ACTR3B: variants seen among roughly 807,000 people sequenced by gnomAD.
ACTR3B encodes actin related protein 3B, also known as actin-related protein 3B.
A neutral mutation model predicts 59.0 loss-of-function variants in ACTR3B; 8 were observed. The ratio of observed to expected loss-of-function variants is 0.14; its 90% CI spans 0.08 to 0.24. The LOEUF (loss-of-function observed/expected upper bound fraction) is 0.24. Ranked by LOEUF, ACTR3B falls within the 10% of genes least tolerant of loss-of-function variation. The pLI, the probability that ACTR3B is intolerant of heterozygous loss-of-function variation, is 1.00. For synonymous variants in ACTR3B, 148 were observed against 197.9 expected, an observed-to-expected ratio of 0.75 and a Z score of 2.12; for missense variants, 245 against 552.3, an observed-to-expected ratio of 0.44 and a Z score of 5.58.
At chr7:152,830,899 G>A (rs1200967782) in intron 9 of ACTR3B, among the ~76,000 whole-genome samples, 2 of 152,130 alleles carry the variant, frequency 1.3e-5, no homozygotes, top group Admixed American at 6.5e-5. Flanking sequence ...TTAATATTTG[G>A]AGAGAGAAAA....
In ACTR3B at chr7:152,837,297, G is replaced by T. The variant is rs557676103; in HGVS notation, c.951+12175G>T. On this transcript the variant is annotated intron_variant, in intron 9 of 11. Transcript: ENST00000256001. ...GCTTTACTTTGAGATGAGTTGGAAA[G>T]AATACATTTATTGGTAATTTCACAT... Among the ~76,000 whole-genome samples the T allele has an allele frequency of 2.7e-3, 409 of 152,328 alleles. 2 individuals are homozygous for T. Among genetic ancestry groups the T allele is most frequent in the African/African-American group, 9.3e-3 (387 of 41,556 alleles).
intron 2 of ACTR3B, among the ~76,000 whole-genome samples, chr7:152,797,054 C>G (rs1296465267): frequency 6.6e-6 from 1 of 151,560 alleles, no homozygotes; most frequent in African/African-American, 2.4e-5. Flanking sequence ...AATTCAGTCA[C>G]AAGGATTTAA....
chr7:152,819,434 C>T (rs1485860481), intron 6 of ACTR3B, among the ~76,000 whole-genome samples: 3 of 152,166 alleles, frequency 2.0e-5, no homozygotes, highest in Non-Finnish European at 4.4e-5. Flanking sequence ...GGGCGTTGTC[C>T]ACTCTGACGG....
At chr7:152,825,727 T>C (rs1276196125) in intron 9 of ACTR3B, among the ~76,000 whole-genome samples, 1 of 152,136 alleles carries the variant, frequency 6.6e-6, no homozygotes, top group Non-Finnish European at 1.5e-5. Flanking sequence ...AGCGGTGCCC[T>C]CCCCCATGCT....
At chr7:152,780,308 G>A (rs1590226270) in intron 1 of ACTR3B, among the ~76,000 whole-genome samples, 1 of 147,130 alleles carries the variant, frequency 6.8e-6, no homozygotes. Flanking sequence ...CCGAGATCGC[G>A]CCACTGCACT....
intron 2 of ACTR3B, among the ~76,000 whole-genome samples, chr7:152,790,064 C>A (rs1000580593): frequency 7.6e-5 from 10 of 131,282 alleles, no homozygotes; most frequent in African/African-American, 3.0e-4. Flanking sequence ...TTGATCATGA[C>A]TCACTGCAGC....
rs191786047 is a variant in ACTR3B at position 152,824,522 on chromosome 7, A to G, written c.859-508A>G. Among the ~76,000 whole-genome samples the G allele has an allele frequency of 5.3e-5, 8 of 152,222 alleles. No individual in the cohort carries two copies. Among genetic ancestry groups the G allele is most frequent in the African/African-American group, 9.6e-5 (4 of 41,452 alleles). On this transcript the variant is annotated intron_variant, in intron 8 of 11. Transcript: ENST00000256001. This position sits in a 1 kb window ranked among gnomAD's most constrained non-coding sequence, Gnocchi z 4.2. ...CTATGGCTGTTTATTCAATAACATG[A>G]TTATCATGTGGATTGTTTCATGTTA... is the stretch of plus-strand genomic sequence containing the variant.
rs114759182 is a variant in ACTR3B, at chr7:152,795,580, G to A, written c.101-4951G>A. ...CATTAAAGGTAAATGACTTTGAGAG[G>A]TAACAGGGTAAATGCTTTAGCTCAC... is the stretch of plus-strand genomic sequence containing the variant. On this transcript the variant is annotated intron_variant, in intron 2 of 11. Transcript: ENST00000256001. Among the ~76,000 whole-genome samples the A allele has an allele frequency of 3.9e-3, 599 of 152,254 alleles. 6 individuals carry two copies. The highest frequency in any genetic ancestry group is 0.039 in the South Asian group (189 of 4,822).
chr7:152,842,133 C>T (rs1474717977), intron 9 of ACTR3B, among the ~76,000 whole-genome samples: 3 of 152,218 alleles, frequency 2.0e-5, no homozygotes, highest in Non-Finnish European at 4.4e-5. Flanking sequence ...ATGGGGCATG[C>T]GTCCCAAGAC....
chr7:152,828,571 T>C (rs1407986957), intron 9 of ACTR3B, among the ~76,000 whole-genome samples: 1 of 152,038 alleles, frequency 6.6e-6, no homozygotes, highest in Non-Finnish European at 1.5e-5. Flanking sequence ...TAAAAATAAT[T>C]CTAAAACACT....
chr7:152,842,133 C>G (rs1474717977), intron 9 of ACTR3B, among the ~76,000 whole-genome samples: 1 of 152,218 alleles, frequency 6.6e-6, no homozygotes, highest in East Asian at 1.9e-4. Flanking sequence ...ATGGGGCATG[C>G]GTCCCAAGAC....
At chr7:152,820,978 C>T (rs10249394) in intron 7 of ACTR3B, among the ~76,000 whole-genome samples, 4,080 of 152,286 alleles carry the variant, frequency 0.027, 70 homozygotes, top group African/African-American at 0.061. Context: ...CTTCTCAGCA[C>T]CTCGTAACTG....
intron 1 of ACTR3B, among the ~76,000 whole-genome samples, chr7:152,772,364 C>T (rs1162633065): frequency 1.3e-5 from 2 of 148,748 alleles, no homozygotes; most frequent in East Asian, 2.0e-4. Flanking sequence ...GTCCCCCTGC[C>T]CCCTAAAAGA....
intron 1 of ACTR3B, among the ~76,000 whole-genome samples, chr7:152,774,138 T>G (rs1262354294): frequency 1.3e-5 from 2 of 152,190 alleles, no homozygotes; most frequent in African/African-American, 4.8e-5. Flanking sequence ...TTAAAATTTT[T>G]TTGTTGTTGT....
intron 11 of ACTR3B, 114 bp downstream of exon 11, chr7:152,853,691 C>G: frequency 1.2e-6 from 1 of 861,756 alleles, no homozygotes; most frequent in East Asian, 2.7e-5. Flanking sequence ...TGGCTCTAAA[C>G]AGACCATTCT....
chr7:152,786,819 C>T (rs1184410305), intron 2 of ACTR3B, among the ~76,000 whole-genome samples: 1 of 152,060 alleles, frequency 6.6e-6, no homozygotes, highest in Non-Finnish European at 1.5e-5. Flanking sequence ...TCATACATTT[C>T]CAATATGGTA....
In ACTR3B at chr7:152,823,385, C is replaced by A. The variant is rs1317653603; in HGVS notation, c.728C>A (p.Ala243Asp). Residue 243 changes from alanine (A) to aspartate (D), a missense_variant, in exon 8 of 12, where the codon GCC becomes GAC. Coordinates refer to ENST00000256001, the MANE Select transcript of ACTR3B (RefSeq NM_020445.6). Reference sequence around the variant, plus strand: ...TGCCCCGATATAGTCAAGGAATTTGCCAAGTATGATGTGGATCCCCGGAAG... The same window carrying A: ...TGCCCCGATATAGTCAAGGAATTTGACAAGTATGATGTGGATCCCCGGAAG... ...YICPDIVKEF[A>D]KYDVDPRKWI... 6.2e-7 allele frequency: 1 copy of A among 1,614,078 alleles called. No individual in the cohort carries two copies. The highest frequency in any genetic ancestry group is 8.5e-7 in the Non-Finnish European group (1 of 1,180,040).
chr7:152,798,407 G>A (rs1443642473), intron 2 of ACTR3B, among the ~76,000 whole-genome samples: 1 of 151,988 alleles, frequency 6.6e-6, no homozygotes, highest in Non-Finnish European at 1.5e-5. Flanking sequence ...TGCTGTTTGA[G>A]TTCTTTATAT....
At position 152,853,886 on chromosome 7, in the gene ACTR3B, T is replaced by G. The variant is rs918498247; in HGVS notation, c.1161+309T>G. Among the ~76,000 whole-genome samples the G allele has an allele frequency of 2.0e-5, 3 of 152,152 alleles. No individual in the cohort carries two copies. In the South Asian group the frequency reaches 6.2e-4, roughly 32 times the overall value. On this transcript the variant is annotated intron_variant, in intron 11 of 11. Transcript: ENST00000256001. ...CGTTCACCACCATGCCCGGCTCATT[T>G]TTTTTTGTTGTATTTTTAGTAAAGA...
Sources: gnomAD v4.1 joint callset for allele counts (sites outside exome capture counted in the v4.1 genomes callset) on GRCh38, gnomAD v4.1.1 for gene constraint, Gnocchi (gnomAD v3.1) non-coding constraint, MANE v1.5 for transcripts, NCBI Gene and HGNC (gene_info 2026-07-23, HGNC 2026-07-21) for gene names.